The following FRYL variants were observed in gnomAD, a reference collection of about 807,000 sequenced individuals.
FRYL encodes the protein FRY like transcription coactivator, also known as protein furry homolog-like.
Under a neutral mutation model 351.2 loss-of-function variants are expected in FRYL, and 150 were observed. That is an observed-to-expected ratio of 0.43 (90% CI 0.37 to 0.49). The LOEUF is 0.49. Ranked by LOEUF, FRYL falls within the 20% of genes least tolerant of loss-of-function variation. The pLI, the probability that FRYL is intolerant of heterozygous loss-of-function variation, is 0.00. For synonymous variants in FRYL, 1,153 were observed against 1,257.1 expected, an observed-to-expected ratio of 0.92 and a Z score of 1.75; for missense variants, 3,036 against 3,619.3, an observed-to-expected ratio of 0.84 and a Z score of 4.13.
chr4:48,620,586 T>G (rs1180465645), intron 6 of FRYL, 53 bp downstream of exon 6: 44 of 1,532,650 alleles, frequency 2.9e-5, no homozygotes, highest in Non-Finnish European at 3.6e-5. Context: ...ATATCACCCC[T>G]TCATTGGAAG....
At chr4:48,547,983 T>C (rs1268346639) in intron 40 of FRYL, among the ~76,000 whole-genome samples, 1 of 152,164 alleles carries the variant, frequency 6.6e-6, no homozygotes. Context: ...GCTAAATGTG[T>C]TTCATGTCTA....
At chr4:48,739,748 T>C (rs930516832) in intron 1 of FRYL, among the ~76,000 whole-genome samples, 34 of 152,192 alleles carry the variant, frequency 2.2e-4, no homozygotes, top group African/African-American at 7.5e-4. Context: ...AAAACTCATG[T>C]TGAAACTTAA....
intron 56 of FRYL, 110 bp from the exon 57 acceptor site, chr4:48,512,798 C>T: frequency 1.4e-6 from 1 of 720,520 alleles, no homozygotes; most frequent in South Asian, 1.9e-5. Flanking sequence ...ATTCATCATA[C>T]ACACTGATTT....
At chr4:48,599,802 C>T (rs1745336336) in intron 13 of FRYL, among the ~76,000 whole-genome samples, 1 of 152,070 alleles carries the variant, frequency 6.6e-6, no homozygotes, top group Non-Finnish European at 1.5e-5. Flanking sequence ...GTAATAAAAA[C>T]CAGTCATAAG....
chr4:48,765,325 T>C (rs530696412), intron 1 of FRYL, among the ~76,000 whole-genome samples: 2 of 151,808 alleles, frequency 1.3e-5, no homozygotes, highest in African/African-American at 4.8e-5. Context: ...TAGAACAAAA[T>C]AGAGAGCCCA....
intron 1 of FRYL, among the ~76,000 whole-genome samples, chr4:48,751,876 C>T (rs1773281867): frequency 2.0e-5 from 3 of 151,064 alleles, no homozygotes; most frequent in Admixed American, 6.6e-5. Flanking sequence ...TCCTAAGCAC[C>T]TGATTAGGAG....
chr4:48,649,063 T>C (rs1406159185), intron 3 of FRYL, among the ~76,000 whole-genome samples: 1 of 152,218 alleles, frequency 6.6e-6, no homozygotes, highest in Non-Finnish European at 1.5e-5. Context: ...TGTATGTGCA[T>C]ATAATGTGAG....
intron 1 of FRYL, among the ~76,000 whole-genome samples, chr4:48,760,712 T>C (rs1439780402): frequency 6.6e-6 from 1 of 152,212 alleles, no homozygotes; most frequent in African/African-American, 2.4e-5. Context: ...ACTCTCACTC[T>C]GTCGCCCAGG....
At chr4:48,586,956 T>C (rs1273677786) in intron 18 of FRYL, among the ~76,000 whole-genome samples, 2 of 151,990 alleles carry the variant, frequency 1.3e-5, no homozygotes, top group East Asian at 3.8e-4. Context: ...TTTCAGTAAC[T>C]AGACAACAAG....
chr4:48,745,999 G>A (rs771647124), intron 1 of FRYL, among the ~76,000 whole-genome samples: 28 of 152,196 alleles, frequency 1.8e-4, no homozygotes, highest in Admixed American at 5.2e-4. Context: ...TGATTTCCAT[G>A]AGTCCTGAAT....
intron 26 of FRYL, 68 bp downstream of exon 26, chr4:48,573,118 T>G (rs1231079577): frequency 8.4e-7 from 1 of 1,193,344 alleles, no homozygotes; most frequent in East Asian, 2.4e-5. Context: ...TTCTAACTTT[T>G]GATATAACAT....
At chr4:48,540,215 C>A in intron 46 of FRYL, 138 bp downstream of exon 46, 5 of 1,216,878 alleles carry the variant, frequency 4.1e-6, no homozygotes, top group Non-Finnish European at 5.6e-6. Flanking sequence ...TGGCTTTTAC[C>A]AAATAATTTA....
intron 1 of FRYL, among the ~76,000 whole-genome samples, chr4:48,729,487 G>C (rs764606802): frequency 6.6e-6 from 1 of 152,136 alleles, no homozygotes. Flanking sequence ...TCTCAGTAGG[G>C]ACTGACAGAC....
Position 48,553,219 on chromosome 4 carries a change from G to C in FRYL, c.4431C>G (p.Thr1477=). The C allele has an allele frequency of 6.2e-7, 1 of 1,610,030 alleles. No individual in the cohort carries two copies. Among genetic ancestry groups the C allele is most frequent in the South Asian group, 1.1e-5 (1 of 90,072 alleles). The change falls in exon 36 of 64, where the codon ACC becomes ACG. Residue 1477 remains threonine, a synonymous_variant. Transcript: ENST00000358350. The stretch of plus-strand genomic sequence containing the variant: ...CGGTTTTAACAAATTTCTCACCTGA[G>C]GTGACAGAAGGGATTTTATAGCTGG... ...ITSSYKIPSV[T]SGTTSSSNTM...
At chr4:48,553,149 A>G (rs1252283030) in intron 36 of FRYL, 66 bp downstream of exon 36, 2 of 1,273,584 alleles carry the variant, frequency 1.6e-6, no homozygotes, top group African/African-American at 1.5e-5. Context: ...TAAAATGGTT[A>G]CCATAGTGAA....
At chr4:48,681,618 A>G (rs1055771673) in intron 3 of FRYL, among the ~76,000 whole-genome samples, 3 of 152,176 alleles carry the variant, frequency 2.0e-5, no homozygotes, top group African/African-American at 7.2e-5. Flanking sequence ...ACTTTTATAA[A>G]ACATGAAAAG....
Position 48,540,415 on chromosome 4 carries a change from T to C in FRYL, c.6233A>G (p.His2078Arg). Residue 2078 changes from histidine (H) to arginine (R), a missense_variant, in exon 46 of 64, where the codon CAC becomes CGC. Coordinates refer to ENST00000358350, the MANE Select transcript of FRYL (RefSeq NM_015030.2). The part of the protein sequence containing the change: ...TSASTQEMTV[H>R]LLSKLISVSK... ...GACAGAAATGAGTTTACTGAGGAGG[T>C]GCACGGTCATTTCTTGTGTAGATGC... 6.2e-7 allele frequency: 1 copy of C among 1,613,824 alleles called. No individual in the cohort carries two copies. The highest frequency in any genetic ancestry group is 8.5e-7 in the Non-Finnish European group (1 of 1,179,786).
chr4:48,595,855 C>A, intron 14 of FRYL, 42 bp downstream of exon 14: 2 of 1,341,736 alleles, frequency 1.5e-6, no homozygotes, highest in South Asian at 1.3e-5. Context: ...TTTTTAAAAA[C>A]AAGAATTTAT....
rs1742140534 is a variant in FRYL, at chr4:48,586,506, G to A, written c.1748+115C>T. The A allele has an allele frequency of 6.1e-6, 4 of 654,982 alleles. No individual in the cohort carries two copies. In the South Asian group the frequency reaches 7.2e-5, roughly 12 times the overall value. The allele number at this position is 654,982 out of a possible 1,614,324, so 40.6% of individuals were successfully genotyped here. A position where few individuals can be genotyped will look rare whatever the true frequency, so the allele number is the denominator to read the frequency against. ...AAGTTTAGAAAGTAAATCAGATAAAGGATTAGAAATGTCTTTAACATCGCC... is the reference window on the plus strand; with the variant it reads ...AAGTTTAGAAAGTAAATCAGATAAAAGATTAGAAATGTCTTTAACATCGCC... On this transcript the variant is annotated intron_variant, in intron 19 of 63. Coordinates refer to ENST00000358350, the MANE Select transcript of FRYL (RefSeq NM_015030.2).
Sources: allele counts gnomAD v4.1 joint callset (sites outside exome capture counted in the v4.1 genomes callset), GRCh38; gene constraint gnomAD v4.1.1; transcripts MANE v1.5; gene names NCBI Gene and HGNC (gene_info 2026-07-23, HGNC 2026-07-21).